Variants in ASTN2 observed in about 807,000 individuals in gnomAD.
The protein encoded by ASTN2 is astrotactin-2.
In ASTN2, 54 loss-of-function variants were observed where a neutral mutation model predicts 139.8. The ratio of observed to expected loss-of-function variants is 0.39; its 90% CI spans 0.31 to 0.48. The LOEUF is 0.48. Among genes scored for constraint, ASTN2 ranks in the 20% least tolerant of loss-of-function variants. ASTN2 has a pLI of 0.95. For missense variants in ASTN2, 1,565 were observed against 1,725.1 expected (o/e 0.91, Z 1.64); for synonymous variants, 756 against 719.5 (o/e 1.05, Z -0.81).
intron 3 of ASTN2, among the ~76,000 whole-genome samples, chr9:117,206,997 C>T (rs556105040): frequency 3.5e-4 from 53 of 152,286 alleles, no homozygotes; most frequent in South Asian, 4.1e-4. Context: ...GGGCATACCA[C>T]CAGAACAGCC....
chr9:116,886,900 G>A (rs1396259380), intron 10 of ASTN2, among the ~76,000 whole-genome samples: 1 of 152,082 alleles, frequency 6.6e-6, no homozygotes, highest in African/African-American at 2.4e-5. Flanking sequence ...ATATTAACAT[G>A]ATGGGAGCTT....
intron 1 of ASTN2, among the ~76,000 whole-genome samples, chr9:117,338,188 C>T (rs1327725145): frequency 6.6e-6 from 1 of 152,128 alleles, no homozygotes; most frequent in Non-Finnish European, 1.5e-5. Context: ...TTCTATGCAG[C>T]ATCTGACTAT....
intron 3 of ASTN2, chr9:117,181,097 T>C: frequency 9.7e-7 from 1 of 1,032,184 alleles, no homozygotes; most frequent in South Asian, 1.3e-5. Flanking sequence ...AAGCAACCCA[T>C]ACAACAAACA....
At chr9:116,726,733 A>G (rs530246557) in intron 15 of ASTN2, among the ~76,000 whole-genome samples, 2 of 152,226 alleles carry the variant, frequency 1.3e-5, no homozygotes, top group African/African-American at 2.4e-5. Flanking sequence ...AGCACTTAAC[A>G]TGGGGCCTGC....
At chr9:116,626,154 G>GTTT (rs751026997) in intron 17 of ASTN2, among the ~76,000 whole-genome samples, 1,134 of 34,482 alleles carry the variant, frequency 0.033, 85 homozygotes, top group Non-Finnish European at 0.05. Context: ...TAGTTTTTGT[G>GTTT]TTTTTTTTTT....
chr9:116,669,382 AAAACAAAC>A (rs556200205), intron 16 of ASTN2, among the ~76,000 whole-genome samples: 11 of 152,144 alleles, frequency 7.2e-5, no homozygotes, highest in Non-Finnish European at 1.0e-4. Flanking sequence ...TGCTATCTAA[AAAACAAAC>A]AAACAAACAA....
intron 16 of ASTN2, chr9:116,697,722 A>G (rs1860936998): frequency 1.2e-6 from 2 of 1,613,476 alleles, no homozygotes; most frequent in Non-Finnish European, 1.7e-6. Flanking sequence ...TGTGCTAGCA[A>G]TACCCTTCAA....
At chr9:117,240,154 T>A (rs1216760001) in intron 2 of ASTN2, among the ~76,000 whole-genome samples, 2 of 152,176 alleles carry the variant, frequency 1.3e-5, no homozygotes, top group African/African-American at 4.8e-5. Flanking sequence ...AGAGTTTAAG[T>A]AATCTGTCTA....
chr9:117,004,998 G>A (rs1837312957), intron 7 of ASTN2, among the ~76,000 whole-genome samples: 1 of 150,512 alleles, frequency 6.6e-6, no homozygotes, highest in Non-Finnish European at 1.5e-5. Context: ...GGGTTTAAAT[G>A]TCATCTAGAT....
At chr9:116,655,919 C>T (rs1014687479) in intron 16 of ASTN2, among the ~76,000 whole-genome samples, 3 of 151,828 alleles carry the variant, frequency 2.0e-5, no homozygotes, top group Non-Finnish European at 4.4e-5. Context: ...GTAGAGACAG[C>T]GTTTCACCAT....
chr9:116,683,668 TAG>T (rs1860024970), intron 16 of ASTN2, among the ~76,000 whole-genome samples: 1 of 152,234 alleles, frequency 6.6e-6, no homozygotes, highest in Non-Finnish European at 1.5e-5. Flanking sequence ...CATATTTCTT[TAG>T]AGTTATTTGC....
chr9:117,154,027 G>C (rs985342581), intron 3 of ASTN2, among the ~76,000 whole-genome samples: 2 of 152,070 alleles, frequency 1.3e-5, no homozygotes, highest in African/African-American at 4.8e-5. Context: ...TCAACTGTCA[G>C]ATTTTCCACC....
intron 1 of ASTN2, among the ~76,000 whole-genome samples, chr9:117,371,984 A>C (rs1830003052): frequency 6.6e-6 from 1 of 152,116 alleles, no homozygotes; most frequent in African/African-American, 2.4e-5. Flanking sequence ...ATTCACCCGA[A>C]AGGAGCTTCC....
chr9:117,346,024 A>AAAAAAAAAAAAAC (rs1290993783), intron 1 of ASTN2, among the ~76,000 whole-genome samples: 2 of 151,622 alleles, frequency 1.3e-5, no homozygotes, highest in East Asian at 3.9e-4. Flanking sequence ...AAAAAAAAAA[A>AAAAAAAAAAAAAC]AAGGAAAAGG....
chr9:117,143,687 C>T (rs1039889471), intron 3 of ASTN2, among the ~76,000 whole-genome samples: 2 of 151,980 alleles, frequency 1.3e-5, no homozygotes, highest in Non-Finnish European at 2.9e-5. Context: ...GTTATGGAGG[C>T]TGAAAGTCCA....
At chr9:117,083,822 G>A (rs1006845412) in intron 5 of ASTN2, among the ~76,000 whole-genome samples, 10 of 151,982 alleles carry the variant, frequency 6.6e-5, no homozygotes, top group Admixed American at 5.2e-4. Flanking sequence ...CCCTCCCTTC[G>A]ATGGCGGGCT....
In ASTN2 at chr9:116,580,442, G is replaced by A. The variant is rs541329214; in HGVS notation, c.3355+37882C>T. 1.3e-3 allele frequency among the ~76,000 whole-genome samples: 200 copies of A among 152,254 alleles called. 2 individuals are homozygous for A. Among genetic ancestry groups the A allele is most frequent in the Middle Eastern group, 6.8e-3 (2 of 294 alleles). Reference sequence around the variant, plus strand: ...GGAGAACATTGATCAGGGGTTATTAGAATCTGGGGTGAGAAAAGGGGAGCA... The same window carrying A: ...GGAGAACATTGATCAGGGGTTATTAAAATCTGGGGTGAGAAAAGGGGAGCA... On this transcript the variant is annotated intron_variant, in intron 19 of 22. Coordinates refer to ENST00000313400, the MANE Select transcript of ASTN2 (RefSeq NM_001365068.1).
intron 20 of ASTN2, among the ~76,000 whole-genome samples, chr9:116,449,956 T>A (rs1358129088): frequency 6.6e-6 from 1 of 152,146 alleles, no homozygotes; most frequent in African/African-American, 2.4e-5. Flanking sequence ...GGCCCCATAC[T>A]TCGTGGAGCA....
intron 19 of ASTN2, among the ~76,000 whole-genome samples, chr9:116,591,981 T>C (rs1170139590): frequency 6.6e-6 from 1 of 152,212 alleles, no homozygotes; most frequent in Non-Finnish European, 1.5e-5. Context: ...CCTCAGTATC[T>C]ATGGGGAATT....
Sources: gnomAD v4.1 joint callset for allele counts (sites outside exome capture counted in the v4.1 genomes callset) on GRCh38, gnomAD v4.1.1 for gene constraint, MANE v1.5 for transcripts, NCBI Gene and HGNC (gene_info 2026-07-23, HGNC 2026-07-21) for gene names.